Variants in SLC35F2 observed in about 807,000 individuals in gnomAD.
SLC35F2 encodes solute carrier family 35 member F2.
SLC35F2 carries 25 observed loss-of-function variants against 38.1 expected under a neutral mutation model. That is an observed-to-expected ratio of 0.66 (90% confidence interval 0.48 to 0.92). SLC35F2 has a LOEUF of 0.92. Ranked by LOEUF, SLC35F2 falls within the 40% of genes least tolerant of loss-of-function variation. The pLI is 0.00. For missense variants in SLC35F2, 409 were observed against 452.9 expected (o/e 0.90, Z 0.88); for synonymous variants, 173 against 181.7 (o/e 0.95, Z 0.38).
chr11:107,827,497 C>T (rs1859770621), intron 1 of SLC35F2, among the ~76,000 whole-genome samples: 1 of 152,142 alleles, frequency 6.6e-6, no homozygotes, highest in South Asian at 2.1e-4. Context: ...GCCTGTAATC[C>T]CAGCACTTCA....
intron 1 of SLC35F2, among the ~76,000 whole-genome samples, chr11:107,834,085 A>C (rs1859892379): frequency 6.6e-6 from 1 of 152,172 alleles, no homozygotes; most frequent in African/African-American, 2.4e-5. Context: ...TTATCAGTTA[A>C]TTGGGCTCCT....
intron 3 of SLC35F2, chr11:107,810,700 A>G: frequency 4.1e-6 from 4 of 983,004 alleles, no homozygotes; most frequent in Non-Finnish European, 4.8e-6. Flanking sequence ...CCTGAGAACA[A>G]TGCTTAGCAC....
chr11:107,792,555 CTCAGCAG>C lies in SLC35F2; in HGVS notation c.*53_*59del. The C allele has an allele frequency of 6.5e-7, 1 of 1,529,354 alleles. No homozygotes were observed. The highest frequency in any genetic ancestry group is 1.3e-5 in the South Asian group (1 of 75,726). 94.7% of individuals were successfully genotyped at this position (1,529,354 alleles called of 1,614,324 possible). ...AGTCTGCTATTTCCCCAAGTGTCCC[CTCAGCAG>C]GCAGCAGGCTCTGCTTTATCCTGGT... On this transcript the variant is annotated 3_prime_UTR_variant, in exon 8 of 8. Coordinates refer to ENST00000525815, the MANE Select transcript of SLC35F2 (RefSeq NM_017515.5).
intron 1 of SLC35F2, among the ~76,000 whole-genome samples, chr11:107,843,871 ATATAT>A (rs1860059567): frequency 4.3e-4 from 17 of 39,696 alleles, no homozygotes; most frequent in East Asian, 1.7e-3. Flanking sequence ...AAAAAAAAAT[ATATAT>A]ATATATATAT....
At chr11:107,823,831 A>G in intron 1 of SLC35F2, 1 of 203,312 alleles carries the variant, frequency 4.9e-6, no homozygotes, top group Non-Finnish European at 8.6e-6. Context: ...CAGGAGGCTG[A>G]GGCAAGAGAA....
chr11:107,840,842 G>A (rs1416507846), intron 1 of SLC35F2: 2 of 152,102 alleles, frequency 1.3e-5, no homozygotes, highest in East Asian at 1.9e-4. Context: ...TACTACACTC[G>A]TCACACACCA....
At chr11:107,800,183 C>T (rs113643426) in intron 7 of SLC35F2, among the ~76,000 whole-genome samples, 8,616 of 151,960 alleles carry the variant, frequency 0.057, 295 homozygotes, top group East Asian at 0.15. Flanking sequence ...CCACTGCGCC[C>T]GGCCTGGCTT....
chr11:107,812,094 G>A (rs1859491595), intron 2 of SLC35F2, among the ~76,000 whole-genome samples: 1 of 133,926 alleles, frequency 7.5e-6, no homozygotes, highest in African/African-American at 2.8e-5. Context: ...TAGCAGAGAT[G>A]GGGGTCTCAC....
intron 1 of SLC35F2, chr11:107,823,211 G>A: frequency 1.0e-6 from 1 of 985,340 alleles, no homozygotes; most frequent in Non-Finnish European, 1.2e-6. Flanking sequence ...TCCCAGATGA[G>A]TCTAAGACAT....
At chr11:107,827,952 G>T (rs1315469821) in intron 1 of SLC35F2, among the ~76,000 whole-genome samples, 13 of 152,080 alleles carry the variant, frequency 8.5e-5, no homozygotes, top group Non-Finnish European at 1.5e-5. Context: ...AAAATAAAAA[G>T]AACTAGAGCT....
At chr11:107,818,102 A>AAGAG (rs1462690531) in intron 1 of SLC35F2, among the ~76,000 whole-genome samples, 18 of 136,448 alleles carry the variant, frequency 1.3e-4, no homozygotes, top group Non-Finnish European at 2.8e-4. Context: ...GAAAGAAAGA[A>AAGAG]AGAAAGAAAG....
At chr11:107,838,413 C>G (rs1859962621) in intron 1 of SLC35F2, among the ~76,000 whole-genome samples, 1 of 152,200 alleles carries the variant, frequency 6.6e-6, no homozygotes, top group African/African-American at 2.4e-5. Flanking sequence ...CAACCTCCAC[C>G]TCCTGGGTTC....
chr11:107,799,403 C>T (rs1859268775), intron 7 of SLC35F2, among the ~76,000 whole-genome samples: 2 of 152,106 alleles, frequency 1.3e-5, no homozygotes, highest in African/African-American at 4.8e-5. Context: ...AGCCGGCCAC[C>T]AACTGGCCTG....
intron 1 of SLC35F2, among the ~76,000 whole-genome samples, chr11:107,854,482 A>C (rs1860246604): frequency 6.6e-6 from 1 of 152,154 alleles, no homozygotes; most frequent in South Asian, 2.1e-4. Flanking sequence ...AAGTATTCTC[A>C]GATACTCCTG....
At chr11:107,811,372 A>G (rs1468653125) in intron 3 of SLC35F2, 1 of 429,666 alleles carries the variant, frequency 2.3e-6, no homozygotes, top group Non-Finnish European at 3.1e-6. Context: ...AGCATATAAA[A>G]CAGAACACGT....
chr11:107,825,632 G>A (rs185435341), intron 1 of SLC35F2, among the ~76,000 whole-genome samples: 1 of 151,948 alleles, frequency 6.6e-6, no homozygotes, highest in South Asian at 2.1e-4. Flanking sequence ...GCCCCCCAAA[G>A]TTGTTGGGAT....
In SLC35F2 at chr11:107,806,830, A is replaced by C. The variant is rs1422406268; in HGVS notation, c.461T>G (p.Phe154Cys). The C allele has an allele frequency of 2.5e-6, 4 of 1,614,046 alleles. No homozygotes were observed. The highest frequency in any genetic ancestry group is 2.5e-6 in the Non-Finnish European group (3 of 1,179,998). The part of the protein sequence containing the change: ...GIPVLMALSW[F>C]ILHARYRVIH... ...CACTCTGTATCTTGCATGAAGAATAAACCATGACAGAGCCATCAACACAGG... is the reference window on the plus strand; with the variant it reads ...CACTCTGTATCTTGCATGAAGAATACACCATGACAGAGCCATCAACACAGG... The change falls in exon 4 of 8, where the codon TTT (phenylalanine) becomes TGT (cysteine). Residue 154 changes from phenylalanine to cysteine, a missense_variant. Coordinates refer to ENST00000525815, the MANE Select transcript of SLC35F2 (RefSeq NM_017515.5).
Position 107,815,795 on chromosome 11 carries a change from C to A in SLC35F2, c.281G>T (p.Arg94Leu). 1 of 1,602,906 alleles carries A rather than the reference C, an allele frequency of 6.2e-7. No individual in the cohort carries two copies. The highest frequency in any genetic ancestry group is 2.2e-5 in the East Asian group (1 of 44,654). ...FLIYTVMLAFRSGSDNLLVIL... is the reference protein window; with the variant it reads ...FLIYTVMLAFLSGSDNLLVIL... ...AATTTCCACATTTGACATACCTGATCGAAATGCCAGCATCACTGTATAAAT... is the reference window on the plus strand; with the variant it reads ...AATTTCCACATTTGACATACCTGATAGAAATGCCAGCATCACTGTATAAAT... Residue 94 changes from arginine (R) to leucine (L), a missense_variant, in exon 2 of 8, where the codon CGA becomes CTA. Physicochemically the swap from Arg to Leu is moderately radical, Grantham distance 102 (BLOSUM62 -2). Coordinates refer to ENST00000525815, the MANE Select transcript of SLC35F2 (RefSeq NM_017515.5).
intron 1 of SLC35F2, among the ~76,000 whole-genome samples, chr11:107,850,814 C>T (rs1370155836): frequency 1.6e-5 from 2 of 121,416 alleles, no homozygotes; most frequent in Non-Finnish European, 3.6e-5. Context: ...ACTCCGTCTC[C>T]AAAAAAAAAA....
Sources: gnomAD v4.1 joint callset for allele counts (sites outside exome capture counted in the v4.1 genomes callset) on GRCh38, gnomAD v4.1.1 for gene constraint, MANE v1.5 for transcripts, NCBI Gene and HGNC (gene_info 2026-07-23, HGNC 2026-07-21) for gene names.